ZNF430: variants seen among roughly 807,000 people sequenced by gnomAD.
The protein encoded by ZNF430 is zinc finger protein 430.
A neutral mutation model predicts 56.7 loss-of-function variants in ZNF430; 35 were observed. That is an observed-to-expected ratio of 0.62 (90% CI 0.47 to 0.82). The LOEUF is 0.82. Among genes scored for constraint, ZNF430 ranks in the 40% least tolerant of loss-of-function variants. The pLI, the probability that ZNF430 is intolerant of heterozygous loss-of-function variation, is 0.00. For synonymous variants in ZNF430, 212 were observed against 224.3 expected (o/e 0.94, Z 0.49); for missense variants, 574 against 661.0 (o/e 0.87, Z 1.44).
intron 4 of ZNF430, among the ~76,000 whole-genome samples, chr19:21,056,421 G>A (rs766442895): frequency 5.3e-5 from 8 of 151,666 alleles, no homozygotes; most frequent in Non-Finnish European, 1.0e-4. Context: ...CCTGGGTGGC[G>A]GAGGTGGCAG....
intron 4 of ZNF430, among the ~76,000 whole-genome samples, chr19:21,056,246 T>C (rs922951709): frequency 6.6e-6 from 1 of 152,132 alleles, no homozygotes; most frequent in Non-Finnish European, 1.5e-5. Flanking sequence ...CCCAGCACTT[T>C]GGGAGGCTGA....
intron 1 of ZNF430, among the ~76,000 whole-genome samples, chr19:21,021,093 C>CCACGGGAGGATCGT (rs1227614966): frequency 2.7e-3 from 408 of 152,288 alleles, no homozygotes; most frequent in African/African-American, 9.3e-3. Flanking sequence ...TGTGCAGGGA[C>CCACGGGAGGATCGT]CACGGGAGGA....
chr19:21,020,826 C>A (rs754566476), intron 1 of ZNF430, 23 bp downstream of exon 1: 1 of 1,613,822 alleles, frequency 6.2e-7, no homozygotes, highest in East Asian at 2.2e-5. Context: ...GGTCCGACAT[C>A]CCCAGAGAGG....
chr19:21,042,115 C>T (rs1303212967), intron 4 of ZNF430, among the ~76,000 whole-genome samples: 1 of 152,176 alleles, frequency 6.6e-6, no homozygotes, highest in East Asian at 1.9e-4. Context: ...TCAGCTTTAT[C>T]CATGCCTTTG....
chr19:21,042,941 A>T (rs998860776), intron 4 of ZNF430, among the ~76,000 whole-genome samples: 2 of 152,266 alleles, frequency 1.3e-5, no homozygotes, highest in South Asian at 4.1e-4. Flanking sequence ...AGAAGTGTCC[A>T]TGTTCTTTGC....
At chr19:21,038,104 C>T (rs1288285382) in intron 4 of ZNF430, among the ~76,000 whole-genome samples, 1 of 151,604 alleles carries the variant, frequency 6.6e-6, no homozygotes, top group Non-Finnish European at 1.5e-5. Context: ...CATTTAGTGT[C>T]TTATCTAAGA....
chr19:21,037,881 A>G (rs1339062483), intron 4 of ZNF430, among the ~76,000 whole-genome samples: 1 of 152,092 alleles, frequency 6.6e-6, no homozygotes, highest in South Asian at 2.1e-4. Context: ...ATCTTTTATG[A>G]TAAAAATTTA....
At chr19:21,056,555 T>G (rs1333352300) in intron 4 of ZNF430, 76 bp from the exon 5 acceptor site, 1 of 1,116,020 alleles carries the variant, frequency 9.0e-7, no homozygotes, top group African/African-American at 1.6e-5. Flanking sequence ...TTTGTATAAT[T>G]ATATGGGTTA....
intron 4 of ZNF430, among the ~76,000 whole-genome samples, chr19:21,045,853 T>G (rs1968179258): frequency 1.3e-5 from 2 of 152,212 alleles, no homozygotes; most frequent in African/African-American, 4.8e-5. Context: ...CAATTGCAAC[T>G]CCTCCTTTTT....
Position 21,058,119 on chromosome 19 carries a change from G to T in ZNF430, c.*98G>T. ...CTATGAGTGTGAAGAATATGGCAAA[G>T]CCTTCAACAAGTCCTCAATTCTTAC... On this transcript the variant is annotated 3_prime_UTR_variant, in exon 5 of 5. Coordinates refer to ENST00000261560, the MANE Select transcript of ZNF430 (RefSeq NM_025189.4). 8.6e-7 allele frequency: 1 copy of T among 1,163,478 alleles called. No homozygotes were observed. Among genetic ancestry groups the T allele is most frequent in the Non-Finnish European group, 1.2e-6 (1 of 833,792 alleles). 72.1% of individuals were successfully genotyped at this position (1,163,478 alleles called of 1,614,324 possible).
chr19:21,027,568 A>G (rs980271446), intron 2 of ZNF430, among the ~76,000 whole-genome samples: 2 of 151,984 alleles, frequency 1.3e-5, no homozygotes, highest in African/African-American at 4.8e-5. Context: ...ATTTTCATCA[A>G]TGTTCATCAA....
chr19:21,050,512 T>C (rs951130816), intron 4 of ZNF430, among the ~76,000 whole-genome samples: 1 of 152,208 alleles, frequency 6.6e-6, no homozygotes, highest in African/African-American at 2.4e-5. Flanking sequence ...GTATATTTGT[T>C]ATGTAGGTTT....
intron 2 of ZNF430, among the ~76,000 whole-genome samples, chr19:21,032,082 G>A (rs1488923656): frequency 6.6e-6 from 1 of 152,110 alleles, no homozygotes; most frequent in African/African-American, 2.4e-5. Flanking sequence ...TTCCTATTGG[G>A]GGAAAGCTGG....
chr19:21,053,710 A>T (rs1209563468), intron 4 of ZNF430, among the ~76,000 whole-genome samples: 1 of 152,122 alleles, frequency 6.6e-6, no homozygotes, highest in African/African-American at 2.4e-5. Context: ...TTTTTTAATA[A>T]ATCACTTTAT....
intron 2 of ZNF430, among the ~76,000 whole-genome samples, chr19:21,026,796 T>C (rs1027090280): frequency 1.2e-4 from 18 of 151,478 alleles, no homozygotes; most frequent in Non-Finnish European, 2.1e-4. Flanking sequence ...CTTCCTTTCT[T>C]CCTGTTTGGA....
At chr19:21,049,139 A>G (rs994412797) in intron 4 of ZNF430, among the ~76,000 whole-genome samples, 3 of 126,690 alleles carry the variant, frequency 2.4e-5, no homozygotes, top group African/African-American at 2.9e-5. Context: ...GCGCCACTGC[A>G]CTCCAGCCTG....
At chr19:21,051,809 A>G (rs2144786715) in intron 4 of ZNF430, among the ~76,000 whole-genome samples, 1 of 152,328 alleles carries the variant, frequency 6.6e-6, no homozygotes, top group South Asian at 2.1e-4. Flanking sequence ...CTTTTTAGCC[A>G]TTATACTCAT....
chr19:21,053,729 T>C (rs1419721334), intron 4 of ZNF430, among the ~76,000 whole-genome samples: 1 of 152,184 alleles, frequency 6.6e-6, no homozygotes, highest in Non-Finnish European at 1.5e-5. Flanking sequence ...ATTGAACTCA[T>C]GTCACTTGAG....
intron 2 of ZNF430, among the ~76,000 whole-genome samples, chr19:21,026,255 C>T (rs527981375): frequency 2.0e-4 from 31 of 151,712 alleles, no homozygotes; most frequent in African/African-American, 6.3e-4. Context: ...GTGGCACGAT[C>T]TCAGCTCACT....
Sources: allele counts gnomAD v4.1 joint callset (sites outside exome capture counted in the v4.1 genomes callset), GRCh38; gene constraint gnomAD v4.1.1; transcripts MANE v1.5; gene names NCBI Gene and HGNC (gene_info 2026-07-23, HGNC 2026-07-21).